The following PAM variants were observed in gnomAD, a reference collection of about 807,000 sequenced individuals.
The protein encoded by PAM is peptidylglycine alpha-amidating monooxygenase.
A neutral mutation model predicts 122.1 loss-of-function variants in PAM; 72 were observed. The ratio of observed to expected loss-of-function variants is 0.59; its 90% CI spans 0.49 to 0.72. The LOEUF is 0.72. Ranked by LOEUF, PAM falls within the 30% of genes least tolerant of loss-of-function variation. PAM has a pLI of 0.00. For synonymous variants in PAM, 389 were observed against 404.4 expected, an observed-to-expected ratio of 0.96 and a Z score of 0.46; for missense variants, 1,106 against 1,183.7, an observed-to-expected ratio of 0.93 and a Z score of 0.96.
At chr5:102,884,406 T>C (rs532975321) in intron 3 of PAM, among the ~76,000 whole-genome samples, 3 of 151,964 alleles carry the variant, frequency 2.0e-5, no homozygotes, top group African/African-American at 7.2e-5. Context: ...GCACCGGTGC[T>C]ATTAAAAGAG....
chr5:102,796,592 T>C (rs572001030), intron 1 of PAM, among the ~76,000 whole-genome samples: 13 of 152,170 alleles, frequency 8.5e-5, no homozygotes, highest in Non-Finnish European at 1.6e-4. Flanking sequence ...TTAGAGAAAA[T>C]TGTGAAAGAG....
intron 7 of PAM, among the ~76,000 whole-genome samples, chr5:102,932,894 G>C (rs889165729): frequency 2.0e-5 from 3 of 151,886 alleles, no homozygotes; most frequent in Admixed American, 1.3e-4. Flanking sequence ...CATGTAACTG[G>C]GCTCATTGCC....
At chr5:102,840,237 A>G (rs929041912) in intron 1 of PAM, among the ~76,000 whole-genome samples, 1 of 152,190 alleles carries the variant, frequency 6.6e-6, no homozygotes, top group African/African-American at 2.4e-5. Context: ...AAGGTAGATT[A>G]TCTTCATTTG....
At chr5:102,972,421 A>C (rs1225273063) in intron 14 of PAM, among the ~76,000 whole-genome samples, 3 of 152,094 alleles carry the variant, frequency 2.0e-5, no homozygotes, top group Non-Finnish European at 2.9e-5. Flanking sequence ...GGTGAGGACT[A>C]TAATTGAATG....
At chr5:102,843,783 A>T (rs1173102519) in intron 1 of PAM, among the ~76,000 whole-genome samples, 2 of 152,214 alleles carry the variant, frequency 1.3e-5, no homozygotes, top group Non-Finnish European at 2.9e-5. Context: ...CCATTAGGGA[A>T]ATGCAAATTA....
Position 102,866,134 on chromosome 5 carries a change from C to A in PAM, c.-62C>A. 1.7e-6 allele frequency: 2 copies of A among 1,209,860 alleles called. No individual in the cohort carries two copies. The highest frequency in any genetic ancestry group is 1.2e-6 in the Non-Finnish European group (1 of 833,478). The allele number at this position is 1,209,860 out of a possible 1,614,324, so 74.9% of individuals were successfully genotyped here. A position where few individuals can be genotyped will look rare whatever the true frequency, so the allele number is the denominator to read the frequency against. On this transcript the variant is annotated 5_prime_UTR_variant, in exon 2 of 26. Coordinates refer to ENST00000438793, the MANE Select transcript of PAM (RefSeq NM_001177306.2). ...TGCTGGCGGCGCCGCTGCCCAACCG[C>A]CAGCCCCAGCCCCGCGCTGCGCTGC... is the stretch of plus-strand genomic sequence containing the variant.
intron 1 of PAM, among the ~76,000 whole-genome samples, chr5:102,828,366 A>T (rs1774297394): frequency 6.6e-6 from 1 of 151,636 alleles, no homozygotes. Context: ...AAAAAGTTAT[A>T]TTCATATCCT....
intron 21 of PAM, among the ~76,000 whole-genome samples, chr5:103,010,614 G>T (rs1440846472): frequency 2.6e-5 from 4 of 152,252 alleles, no homozygotes; most frequent in African/African-American, 9.6e-5. Flanking sequence ...TTCAAAACAT[G>T]TAAAGATTCA....
chr5:102,931,036 G>A lies in PAM; in HGVS notation c.526+4368G>A, dbSNP rs375135884. Reference sequence around the variant, plus strand: ...TCTTTGCTCTCCTCATCTGTAAAATGGTATCATAGTGGTATCATAAAGGTA... The same window carrying A: ...TCTTTGCTCTCCTCATCTGTAAAATAGTATCATAGTGGTATCATAAAGGTA... On this transcript the variant is annotated intron_variant, in intron 7 of 25. Coordinates refer to ENST00000438793, the MANE Select transcript of PAM (RefSeq NM_001177306.2). 3.3e-5 allele frequency among the ~76,000 whole-genome samples: 5 copies of A among 151,990 alleles called. No individual in the cohort carries two copies. The East Asian group carries it at 9.7e-4, about 30-fold the overall frequency.
intron 1 of PAM, among the ~76,000 whole-genome samples, chr5:102,780,857 C>CTCTT (rs1554060275): frequency 2.9e-5 from 4 of 138,352 alleles, no homozygotes; most frequent in East Asian, 4.2e-4. Context: ...CTCTCTCTCT[C>CTCTT]TCTTTCTTTC....
intron 1 of PAM, among the ~76,000 whole-genome samples, chr5:102,762,876 C>T (rs1580761951): frequency 6.6e-6 from 1 of 152,112 alleles, no homozygotes; most frequent in Non-Finnish European, 1.5e-5. Flanking sequence ...GAGTGAAATG[C>T]CTTTAAAACA....
intron 1 of PAM, among the ~76,000 whole-genome samples, chr5:102,803,452 T>A (rs1765427475): frequency 6.6e-6 from 1 of 152,092 alleles, no homozygotes; most frequent in South Asian, 2.1e-4. Context: ...CATTCCAGCC[T>A]TAATTCTTTA....
chr5:102,926,185 C>G (rs1749445760), intron 6 of PAM, among the ~76,000 whole-genome samples: 1 of 152,120 alleles, frequency 6.6e-6, no homozygotes, highest in South Asian at 2.1e-4. Flanking sequence ...AGCTCCGCTT[C>G]CCGGGTTCAC....
At chr5:103,024,487 A>C (rs545833475) in intron 23 of PAM, among the ~76,000 whole-genome samples, 1 of 152,254 alleles carries the variant, frequency 6.6e-6, no homozygotes, top group African/African-American at 2.4e-5. Context: ...AAGAGCCTGA[A>C]AAGCACATAG....
At chr5:102,925,166 A>T (rs1748991340) in intron 6 of PAM, 124 bp downstream of exon 6, 3 of 659,676 alleles carry the variant, frequency 4.5e-6, no homozygotes, top group African/African-American at 1.8e-5. Flanking sequence ...TCACAGTGAA[A>T]GTACTTGCAT....
intron 1 of PAM, among the ~76,000 whole-genome samples, chr5:102,853,893 G>T (rs1781945312): frequency 6.6e-6 from 1 of 152,222 alleles, no homozygotes. Context: ...TGTACTATTG[G>T]TTTGAATTAT....
intron 1 of PAM, among the ~76,000 whole-genome samples, chr5:102,858,762 C>CT (rs1251062555): frequency 6.6e-6 from 1 of 152,160 alleles, no homozygotes; most frequent in Non-Finnish European, 1.5e-5. Flanking sequence ...TGAACTCCAC[C>CT]TTTTCCCCAA....
intron 15 of PAM, among the ~76,000 whole-genome samples, chr5:102,986,682 A>G (rs983456613): frequency 6.6e-6 from 1 of 152,106 alleles, no homozygotes; most frequent in African/African-American, 2.4e-5. Context: ...TACCCACCCA[A>G]ATCTCATCTT....
At chr5:103,012,324 A>C (rs1780855266) in intron 21 of PAM, among the ~76,000 whole-genome samples, 1 of 152,180 alleles carries the variant, frequency 6.6e-6, no homozygotes, top group Admixed American at 6.5e-5. Context: ...GGTATTACTC[A>C]AAACAATTTT....
Sources: gnomAD v4.1 joint callset for allele counts (sites outside exome capture counted in the v4.1 genomes callset) on GRCh38, gnomAD v4.1.1 for gene constraint, MANE v1.5 for transcripts, NCBI Gene and HGNC (gene_info 2026-07-23, HGNC 2026-07-21) for gene names.